Variants in PLCE1 observed in about 807,000 individuals in gnomAD.
The protein encoded by PLCE1 is phospholipase C epsilon 1.
PLCE1 carries 119 observed loss-of-function variants against 242.8 expected under a neutral mutation model. The observed-to-expected ratio is 0.49, with a 90% CI of 0.42 to 0.57. PLCE1 has a LOEUF of 0.57. Ranked by LOEUF, PLCE1 falls within the 20% of genes least tolerant of loss-of-function variation. The pLI, the probability that PLCE1 is intolerant of heterozygous loss-of-function variation, is 0.00. For synonymous variants in PLCE1, 945 were observed against 1,017.4 expected (o/e 0.93, Z 1.35); for missense variants, 2,441 against 2,788.8 (o/e 0.88, Z 2.81).
intron 4 of PLCE1, among the ~76,000 whole-genome samples, chr10:94,183,559 A>G (rs1173533265): frequency 1.3e-5 from 2 of 152,216 alleles, no homozygotes. Flanking sequence ...TGTTCAGGCC[A>G]TCAACCAGAG....
chr10:94,235,063 C>CACACACAT (rs2050271399), intron 6 of PLCE1, among the ~76,000 whole-genome samples: 1 of 1,076 alleles, frequency 9.3e-4, no homozygotes, highest in Admixed American at 0.017. Context: ...ACTGACCTTT[C>CACACACAT]ACACACACAC....
intron 1 of PLCE1, among the ~76,000 whole-genome samples, chr10:94,010,822 G>A (rs2061154517): frequency 6.6e-6 from 1 of 152,166 alleles, no homozygotes; most frequent in Admixed American, 6.5e-5. Context: ...TTCCATCTGA[G>A]ACCTCATCAG....
chr10:94,093,981 G>A (rs1285702425), intron 2 of PLCE1, among the ~76,000 whole-genome samples: 2 of 115,750 alleles, frequency 1.7e-5, no homozygotes, highest in Non-Finnish European at 3.2e-5. Flanking sequence ...TCGCTCTGTC[G>A]CCCAGGCTGG....
intron 1 of PLCE1, among the ~76,000 whole-genome samples, chr10:94,006,210 C>T (rs2061034070): frequency 6.6e-6 from 1 of 152,208 alleles, no homozygotes; most frequent in South Asian, 2.1e-4. Context: ...AGTCATAGCA[C>T]TTACTTCATG....
Position 94,265,830 on chromosome 10 carries a change from G to T in PLCE1, c.4153G>T (p.Asp1385Tyr). The T allele has an allele frequency of 6.2e-7, 1 of 1,614,016 alleles. No homozygotes were observed. Among genetic ancestry groups the T allele is most frequent in the South Asian group, 1.1e-5 (1 of 91,080 alleles). The stretch of plus-strand genomic sequence containing the variant: ...TAAAGAAAATTTTGCCTCAAAAAAT[G>T]ATGAGTCACAGGAGAACATTAAAGA... Reference protein sequence around the residue: ...MDKENFASKNDESQENIKELQ... With the variant: ...MDKENFASKNYESQENIKELQ... Residue 1385 changes from aspartate to tyrosine, a missense_variant, in exon 16 of 33, where the codon GAT becomes TAT. Physicochemically the swap from Asp to Tyr is radical, Grantham distance 160. This residue lies in a region of PLCE1 where 1,004 missense variants were observed against 1,322.7 expected (regional missense o/e 0.76). Transcript: ENST00000371380.
chr10:94,198,714 G>C lies in PLCE1; in HGVS notation c.1809+27218G>C, dbSNP rs1490942727. Among the ~76,000 whole-genome samples, 3 of 152,168 alleles carry C rather than the reference G, an allele frequency of 2.0e-5. No homozygotes were observed. In the East Asian group the frequency reaches 5.8e-4, roughly 29 times the overall value. Reference sequence around the variant, plus strand: ...CAGAAATAGAATCTTACAGTAGGTAGTCTTTTGAGCCTGGCTTTCTTCATT... The same window carrying C: ...CAGAAATAGAATCTTACAGTAGGTACTCTTTTGAGCCTGGCTTTCTTCATT... On this transcript the variant is annotated intron_variant, in intron 4 of 32. Coordinates refer to ENST00000371380, the MANE Select transcript of PLCE1 (RefSeq NM_016341.4).
At chr10:94,168,122 G>C (rs79303081) in intron 3 of PLCE1, among the ~76,000 whole-genome samples, 1 of 152,172 alleles carries the variant, frequency 6.6e-6, no homozygotes, top group Admixed American at 6.5e-5. Context: ...CATGGATCAT[G>C]AGGAAGGACC....
chr10:94,237,252 C>G (rs959941267), intron 7 of PLCE1, among the ~76,000 whole-genome samples: 3 of 151,964 alleles, frequency 2.0e-5, no homozygotes. Flanking sequence ...TTTTAAAGAG[C>G]CTTCATCTTT....
At chr10:94,090,406 A>G (rs2045017169) in intron 2 of PLCE1, among the ~76,000 whole-genome samples, 2 of 152,202 alleles carry the variant, frequency 1.3e-5, no homozygotes, top group Admixed American at 1.3e-4. Context: ...CATTCCTTCT[A>G]CAACCCTGAG....
chr10:94,106,891 G>A (rs1436298549), intron 2 of PLCE1, among the ~76,000 whole-genome samples: 1 of 79,984 alleles, frequency 1.3e-5, no homozygotes, highest in African/African-American at 4.2e-5. Context: ...TTAACTGACT[G>A]GTGCTCGTGT....
At chr10:94,110,253 G>A (rs1307107574) in intron 2 of PLCE1, among the ~76,000 whole-genome samples, 2 of 151,414 alleles carry the variant, frequency 1.3e-5, no homozygotes, top group Non-Finnish European at 2.9e-5. Flanking sequence ...TAGTAGAGAC[G>A]AGGTTTCACC....
chr10:94,113,623 T>C (rs1564700499), intron 2 of PLCE1, among the ~76,000 whole-genome samples: 2 of 152,218 alleles, frequency 1.3e-5, no homozygotes, highest in Non-Finnish European at 2.9e-5. Context: ...ATCTCCATTT[T>C]ACTATTTTGA....
chr10:94,056,899 G>T (rs1205936223), intron 2 of PLCE1, among the ~76,000 whole-genome samples: 1 of 139,252 alleles, frequency 7.2e-6, no homozygotes, highest in Non-Finnish European at 1.5e-5. Flanking sequence ...ATGGAATCAC[G>T]CAATGTTTGG....
intron 4 of PLCE1, 107 bp from the exon 5 acceptor site, chr10:94,227,199 C>T: frequency 9.3e-7 from 1 of 1,080,348 alleles, no homozygotes; most frequent in Non-Finnish European, 1.4e-6. Context: ...TCTTTCATTT[C>T]CTAATACCAA....
chr10:94,195,798 A>T (rs2048803136), intron 4 of PLCE1, among the ~76,000 whole-genome samples: 2 of 152,194 alleles, frequency 1.3e-5, no homozygotes, highest in Admixed American at 6.5e-5. Context: ...TGTACTATAC[A>T]TCTAAAAAAG....
chr10:94,099,614 A>C (rs1322394406), intron 2 of PLCE1: 1 of 152,238 alleles, frequency 6.6e-6, no homozygotes, highest in Non-Finnish European at 1.5e-5. Context: ...ATTAAGACAA[A>C]ACCTACTCAA....
intron 28 of PLCE1, 46 bp from the exon 29 acceptor site, chr10:94,316,498 GTTT>G (rs761533910): frequency 1.1e-5 from 13 of 1,190,504 alleles, no homozygotes; most frequent in Non-Finnish European, 1.5e-5. Flanking sequence ...AAGTTGATTT[GTTT>G]TAAGTTTTTG....
intron 5 of PLCE1, among the ~76,000 whole-genome samples, chr10:94,230,334 T>A (rs1001823986): frequency 8.6e-5 from 13 of 150,876 alleles, no homozygotes; most frequent in East Asian, 3.9e-4. Flanking sequence ...AAAAACAAAA[T>A]TTTTTTTTTA....
chr10:94,315,892 G>T (rs536084150), intron 28 of PLCE1, among the ~76,000 whole-genome samples: 6 of 151,520 alleles, frequency 4.0e-5, no homozygotes, highest in African/African-American at 1.5e-4. Flanking sequence ...TATTTCCATT[G>T]TGTAGATCGG....
Sources: allele counts gnomAD v4.1 joint callset (sites outside exome capture counted in the v4.1 genomes callset), GRCh38; gene constraint gnomAD v4.1.1; regional missense constraint gnomAD v4.1.1; transcripts MANE v1.5; gene names NCBI Gene and HGNC (gene_info 2026-07-23, HGNC 2026-07-21).